STK11IP: variants seen among roughly 807,000 people sequenced by gnomAD.
STK11IP encodes the protein serine/threonine kinase 11 interacting protein.
In STK11IP, 103 loss-of-function variants were observed where a neutral mutation model predicts 131.7. That is an observed-to-expected ratio of 0.78 (90% confidence interval 0.67 to 0.92). STK11IP has a LOEUF of 0.92. STK11IP is among the 40% of genes least tolerant of loss of function. The pLI is 0.00. For missense variants in STK11IP, 1,315 were observed against 1,385.7 expected (o/e 0.95, Z 0.81); for synonymous variants, 557 against 575.6 (o/e 0.97, Z 0.46).
In STK11IP at chr2:219,615,249, C is replaced by T. The variant is rs754120575; in HGVS notation, c.3025C>T (p.Arg1009Cys). The T allele has an allele frequency of 1.5e-5, 24 of 1,596,624 alleles. No individual in the cohort carries two copies. In the South Asian group the frequency reaches 1.7e-4, roughly 11 times the overall value. ...VPPSGPGPAV[R>C]VREQQPLSSL... ...TCCCTCGGGGCCGGGCCCTGCTGTG[C>T]GTGTCAGGGAGCAGCAGCCACTCAG... The change falls in exon 24 of 25, where the codon CGT (arginine) becomes TGT (cysteine). Residue 1009 changes from arginine (R) to cysteine (C), a missense_variant. Coordinates refer to ENST00000456909, the MANE Select transcript of STK11IP (RefSeq NM_052902.4).
At position 219,608,421 on chromosome 2, in the gene STK11IP, G is replaced by A; in HGVS notation, c.1594G>A (p.Glu532Lys). The change falls in exon 14 of 25, where the codon GAA (glutamate) becomes AAA (lysine). Residue 532 changes from glutamate (E) to lysine (K), a missense_variant. Glu to Lys is a moderately conservative substitution (Grantham distance 56). Transcript: ENST00000456909. Reference sequence around the variant, plus strand: ...GGAAGAAGAGGAGCAGGACCAGAAGGAAGTGGAAGGTGAGCCCTTTGTGGG... The same window carrying A: ...GGAAGAAGAGGAGCAGGACCAGAAGAAAGTGGAAGGTGAGCCCTTTGTGGG... Reference protein sequence around the residue: ...EEEEEEQDQKEVEAELCRPLL... With the variant: ...EEEEEEQDQKKVEAELCRPLL... The A allele has an allele frequency of 6.4e-7, 1 of 1,562,096 alleles. No homozygotes were observed. The highest frequency in any genetic ancestry group is 8.7e-7 in the Non-Finnish European group (1 of 1,153,848).
intron 24 of STK11IP, 140 bp from the exon 25 acceptor site, chr2:219,615,904 A>T (rs1435746308): frequency 9.2e-6 from 10 of 1,091,164 alleles, no homozygotes; most frequent in Non-Finnish European, 1.1e-5. Flanking sequence ...AGGATCTTTT[A>T]TGGGGAGTGA....
rs1301319422 is a variant in STK11IP, at chr2:219,602,833, C to T, written c.618+57C>T. 5 of 1,520,690 alleles carry T rather than the reference C, an allele frequency of 3.3e-6. No individual in the cohort carries two copies. In the Admixed American group the frequency reaches 5.3e-5, roughly 16 times the overall value. 94.2% of individuals were successfully genotyped at this position (1,520,690 alleles called of 1,614,324 possible). On this transcript the variant is annotated intron_variant, in intron 7 of 24. Coordinates refer to ENST00000456909, the MANE Select transcript of STK11IP (RefSeq NM_052902.4). Reference sequence around the variant, plus strand: ...CATGGGTCTTTGATTGCTCTGCTCTCACTCTCTCTCCTTGACCAGCTTTTA... The same window carrying T: ...CATGGGTCTTTGATTGCTCTGCTCTTACTCTCTCTCCTTGACCAGCTTTTA...
intron 20 of STK11IP, among the ~76,000 whole-genome samples, chr2:219,613,544 C>T (rs1480978125): frequency 3.9e-5 from 1 of 25,380 alleles, no homozygotes; most frequent in East Asian, 1.5e-3. Context: ...GAGTGGGGGG[C>T]GGAGATGGGG....
Position 219,601,980 on chromosome 2 carries a change from T to G in STK11IP, c.343-8T>G. The G allele has an allele frequency of 6.2e-7, 1 of 1,606,254 alleles. No individual in the cohort carries two copies. Among genetic ancestry groups the G allele is most frequent in the Non-Finnish European group, 8.5e-7 (1 of 1,176,254 alleles). On this transcript the variant is annotated splice_polypyrimidine_tract_variant and splice_region_variant and intron_variant, in intron 4 of 24. Coordinates refer to ENST00000456909, the MANE Select transcript of STK11IP (RefSeq NM_052902.4). Reference sequence around the variant, plus strand: ...TCTGCCTTCCTCCCTCCTCTTTCCTTGTCCCAGCTCCGAGGTGTTCCCCTC... The same window carrying G: ...TCTGCCTTCCTCCCTCCTCTTTCCTGGTCCCAGCTCCGAGGTGTTCCCCTC...
At chr2:219,614,889 G>T (rs999616839) in intron 23 of STK11IP, 12 of 648,636 alleles carry the variant, frequency 1.9e-5, no homozygotes, top group Admixed American at 8.6e-5. Context: ...TGGGGCAGTG[G>T]GGGGCGGTAG....
At position 219,607,012 on chromosome 2, in the gene STK11IP, G is replaced by A. The variant is rs150563423; in HGVS notation, c.1135-41G>A. The A allele has an allele frequency of 5.3e-4, 859 of 1,613,254 alleles. 6 individuals are homozygous for A. In the African/African-American group the frequency reaches 9.6e-3, roughly 18 times the overall value. Reference sequence around the variant, plus strand: ...GCCAGCCGTGGATGGCAGGGCTGGAGGCTTGGCTTTCACAGAACTTCTTCC... The same window carrying A: ...GCCAGCCGTGGATGGCAGGGCTGGAAGCTTGGCTTTCACAGAACTTCTTCC... On this transcript the variant is annotated intron_variant, in intron 12 of 24. Transcript: ENST00000456909.
chr2:219,604,386 A>G (rs559773899), intron 7 of STK11IP, among the ~76,000 whole-genome samples: 29 of 152,336 alleles, frequency 1.9e-4, no homozygotes, highest in Non-Finnish European at 3.1e-4. Context: ...GATCAAGGTG[A>G]GAACCTCCTC....
intron 7 of STK11IP, among the ~76,000 whole-genome samples, chr2:219,603,816 G>A (rs1399247157): frequency 6.6e-6 from 1 of 152,072 alleles, no homozygotes; most frequent in South Asian, 2.1e-4. Flanking sequence ...CACCGTGCCC[G>A]ACCAAGTAAG....
chr2:219,615,310 C>G lies in STK11IP; in HGVS notation c.3086C>G (p.Pro1029Arg). ...TCCGTGCTGCTCTACCGCTCAGCCC[C>G]TGAGGACTTGCGGCTGCTCTTCTAC... is the stretch of plus-strand genomic sequence containing the variant. ...LSSVLLYRSA[P>R]EDLRLLFYDE... The change falls in exon 24 of 25, where the codon CCT becomes CGT. Residue 1029 changes from proline to arginine, a missense_variant. Transcript: ENST00000456909. 6.2e-7 allele frequency: 1 copy of G among 1,602,698 alleles called. No homozygotes were observed. The highest frequency in any genetic ancestry group is 8.5e-7 in the Non-Finnish European group (1 of 1,179,356).
At position 219,611,754 on chromosome 2, in the gene STK11IP, G is replaced by T; in HGVS notation, c.2255G>T (p.Gly752Val). The change falls in exon 18 of 25, where the codon GGT becomes GTT. Residue 752 changes from glycine (G) to valine (V), a missense_variant. Physicochemically the swap from Gly to Val is moderately radical, Grantham distance 109. Transcript: ENST00000456909. Reference protein sequence around the residue: ...ASPVCHPPGHGDHLDRAKNSP... With the variant: ...ASPVCHPPGHVDHLDRAKNSP... ...CCTGTCTGCCACCCTCCTGGCCATG[G>T]TGACCACCTTGACAGGGCCAAGAAC... is the stretch of plus-strand genomic sequence containing the variant. The T allele has an allele frequency of 6.2e-7, 1 of 1,613,036 alleles. No individual in the cohort carries two copies. Among genetic ancestry groups the T allele is most frequent in the Non-Finnish European group, 8.5e-7 (1 of 1,179,876 alleles).
In STK11IP at chr2:219,615,305, A is replaced by G; in HGVS notation, c.3081A>G (p.Ser1027=). 1 of 1,602,956 alleles carries G rather than the reference A, an allele frequency of 6.2e-7. No homozygotes were observed. The highest frequency in any genetic ancestry group is 8.5e-7 in the Non-Finnish European group (1 of 1,179,542). Residue 1027 remains serine, a synonymous_variant, in exon 24 of 25, where the codon TCA becomes TCG. Transcript: ENST00000456909. The part of the protein sequence containing the change: ...SSLSSVLLYR[S]APEDLRLLFY... ...TGAGCTCCGTGCTGCTCTACCGCTC[A>G]GCCCCTGAGGACTTGCGGCTGCTCT...
chr2:219,605,554 C>T, intron 7 of STK11IP, 54 bp from the exon 8 acceptor site: 1 of 1,544,882 alleles, frequency 6.5e-7, no homozygotes, highest in Non-Finnish European at 8.8e-7. Context: ...TCAGAGGACC[C>T]TGGCTAGAGT....
At position 219,606,343 on chromosome 2, in the gene STK11IP, C is replaced by T. The variant is rs751274882; in HGVS notation, c.945+53C>T. On this transcript the variant is annotated intron_variant, in intron 10 of 24. Transcript: ENST00000456909. The stretch of plus-strand genomic sequence containing the variant: ...CTTCCCCTTTCCTGCCCAGTCCTCC[C>T]CCACCTTGCACCCTCTTGCCATCCC... 8.4e-6 allele frequency: 13 copies of T among 1,546,638 alleles called. 1 individual carries two copies. In the South Asian group the frequency reaches 1.3e-4, roughly 16 times the overall value.
chr2:219,608,110 GC>G lies in STK11IP; in HGVS notation c.1284del (p.Asn429ThrfsTer162). ...AGCAGCTTCCGGGAACGGTTCGGCC[GC>G]AACTGGCTGCAGTACAGGAGTCACC... is the stretch of plus-strand genomic sequence containing the variant. ...LMSSFRERFG[R>X]NWLQYRSHLE... is the part of the protein sequence containing the mutation. On this transcript the variant is annotated frameshift_variant, in exon 14 of 25. Transcript: ENST00000456909. LOFTEE classifies it high-confidence loss of function. The G allele has an allele frequency of 6.2e-7, 1 of 1,613,212 alleles. No homozygotes were observed. The highest frequency in any genetic ancestry group is 8.5e-7 in the Non-Finnish European group (1 of 1,179,878).
intron 2 of STK11IP, among the ~76,000 whole-genome samples, chr2:219,600,217 A>G (rs1248254960): frequency 1.3e-5 from 2 of 151,816 alleles, no homozygotes; most frequent in East Asian, 3.9e-4. Flanking sequence ...CGCATGTCGC[A>G]ATGCCCAGCT....
At chr2:219,602,133 A>T in intron 5 of STK11IP, 50 bp downstream of exon 5, 1 of 1,365,940 alleles carries the variant, frequency 7.3e-7, no homozygotes, top group South Asian at 1.2e-5. Flanking sequence ...AGAGATGTAG[A>T]AGACCAAGCT....
chr2:219,606,844 CTT>C lies in STK11IP; in HGVS notation c.1121_1122del (p.Leu374ProfsTer2), dbSNP rs1698183351. The C allele has an allele frequency of 9.3e-6, 15 of 1,611,616 alleles. No homozygotes were observed. The highest frequency in any genetic ancestry group is 1.3e-5 in the Non-Finnish European group (15 of 1,178,726). On this transcript the variant is annotated frameshift_variant, in exon 12 of 25. Coordinates refer to ENST00000456909, the MANE Select transcript of STK11IP (RefSeq NM_052902.4). LOFTEE classifies it high-confidence loss of function. ...SSGGVVTQPL[L>X]HKVKSRVRVR... Reference sequence around the variant, plus strand: ...AGGGGGTGTTGTGACCCAGCCCCTGCTTCATAAGGTTAAGGTAAGCAGCGTCC... The same window carrying C: ...AGGGGGTGTTGTGACCCAGCCCCTGCCATAAGGTTAAGGTAAGCAGCGTCC...
At position 219,606,775 on chromosome 2, in the gene STK11IP, C is replaced by T; in HGVS notation, c.1051C>T (p.Pro351Ser). Reference sequence around the variant, plus strand: ...TTTGCCCTGGCCAGTGGGGAGTACTCCTGAAACCTCAGGTGGCCCTGACCT... The same window carrying T: ...TTTGCCCTGGCCAGTGGGGAGTACTTCTGAAACCTCAGGTGGCCCTGACCT... ...PPLPWPVGSTPETSGGPDLSD... is the reference protein window; with the variant it reads ...PPLPWPVGSTSETSGGPDLSD... Residue 351 changes from proline (P) to serine (S), a missense_variant, in exon 12 of 25, where the codon CCT becomes TCT. Pro to Ser is a moderately conservative substitution (Grantham distance 74). Transcript: ENST00000456909. The T allele has an allele frequency of 1.2e-6, 2 of 1,613,862 alleles. No homozygotes were observed. The highest frequency in any genetic ancestry group is 1.3e-5 in the African/African-American group (1 of 75,056).
Sources: allele counts gnomAD v4.1 joint callset (sites outside exome capture counted in the v4.1 genomes callset), GRCh38; gene constraint gnomAD v4.1.1; transcripts MANE v1.5; gene names NCBI Gene and HGNC (gene_info 2026-07-23, HGNC 2026-07-21).